Variants in SCFD2 observed in about 807,000 individuals in gnomAD.
SCFD2 encodes sec1 family domain containing 2.
SCFD2 carries 54 observed loss-of-function variants against 58.9 expected under a neutral mutation model. The observed-to-expected ratio is 0.92, with a 90% CI of 0.74 to 1.15. SCFD2 has a LOEUF of 1.15. Ranked by LOEUF, SCFD2 falls within the 50% of genes most tolerant of loss-of-function variation. The pLI, the probability that SCFD2 is intolerant of heterozygous loss-of-function variation, is 0.00. For missense variants in SCFD2, 805 were observed against 836.6 expected (o/e 0.96, Z 0.47); for synonymous variants, 321 against 335.9 (o/e 0.96, Z 0.49).
intron 3 of SCFD2, among the ~76,000 whole-genome samples, chr4:53,293,877 C>A (rs1731929595): frequency 6.6e-6 from 1 of 151,824 alleles, no homozygotes; most frequent in African/African-American, 2.4e-5. Flanking sequence ...CTATCCCTCC[C>A]CCAGCCTCCC....
At chr4:52,967,924 C>T (rs186475730) in intron 5 of SCFD2, among the ~76,000 whole-genome samples, 9 of 152,268 alleles carry the variant, frequency 5.9e-5, no homozygotes, top group South Asian at 4.2e-4. Context: ...TAACTTCAGC[C>T]GGGGTCCTCT....
At chr4:53,028,958 G>T (rs114880911) in intron 5 of SCFD2, among the ~76,000 whole-genome samples, 1,738 of 152,302 alleles carry the variant, frequency 0.011, 17 homozygotes, top group Middle Eastern at 0.034. Flanking sequence ...ATTGACAAAC[G>T]CATGTTACAC....
intron 5 of SCFD2, among the ~76,000 whole-genome samples, chr4:53,041,754 T>C (rs1722906177): frequency 6.6e-6 from 1 of 152,182 alleles, no homozygotes; most frequent in African/African-American, 2.4e-5. Flanking sequence ...AAACCATGCT[T>C]CACTATTTCA....
At chr4:52,893,244 C>T (rs906759384) in intron 7 of SCFD2, among the ~76,000 whole-genome samples, 1 of 151,938 alleles carries the variant, frequency 6.6e-6, no homozygotes, top group African/African-American at 2.4e-5. Context: ...TTCTCTCTCT[C>T]TCTCTCTTTC....
intron 8 of SCFD2, among the ~76,000 whole-genome samples, chr4:52,882,462 T>C (rs1044607987): frequency 6.6e-6 from 1 of 152,176 alleles, no homozygotes; most frequent in African/African-American, 2.4e-5. Flanking sequence ...TGCAAAGTAT[T>C]GTTCCTGGGT....
At chr4:53,300,784 T>G (rs566042548) in intron 3 of SCFD2, among the ~76,000 whole-genome samples, 104 of 152,178 alleles carry the variant, frequency 6.8e-4, no homozygotes, top group East Asian at 1.2e-3. Flanking sequence ...TAGAACTCAG[T>G]ATTAAGAAAC....
At chr4:53,332,526 T>G (rs891664898) in intron 2 of SCFD2, among the ~76,000 whole-genome samples, 154 of 152,184 alleles carry the variant, frequency 1.0e-3, no homozygotes, top group African/African-American at 1.4e-3. Flanking sequence ...ATGCAGAAAA[T>G]GCCTTTGACA....
chr4:52,932,420 T>C (rs1212872261), intron 5 of SCFD2, among the ~76,000 whole-genome samples: 1 of 152,260 alleles, frequency 6.6e-6, no homozygotes, highest in Non-Finnish European at 1.5e-5. Context: ...TCCCCACCTC[T>C]TGTTCTCACT....
chr4:52,956,211 C>G (rs1720708819), intron 5 of SCFD2: 1 of 456,714 alleles, frequency 2.2e-6, no homozygotes, highest in East Asian at 6.9e-5. Flanking sequence ...AGCCATCTCC[C>G]CTACATCCTA....
At chr4:53,215,741 C>T (rs542957276) in intron 4 of SCFD2, among the ~76,000 whole-genome samples, 27 of 152,212 alleles carry the variant, frequency 1.8e-4, no homozygotes, top group Middle Eastern at 6.8e-3. Flanking sequence ...AAAGGGAATG[C>T]TTCCAGTTTT....
chr4:53,214,182 G>A (rs1327476028), intron 4 of SCFD2, among the ~76,000 whole-genome samples: 2 of 152,092 alleles, frequency 1.3e-5, no homozygotes, highest in Non-Finnish European at 2.9e-5. Context: ...GTAATGGGAT[G>A]GCTAGGTCAA....
intron 5 of SCFD2, among the ~76,000 whole-genome samples, chr4:52,930,464 A>T (rs1440444926): frequency 6.6e-6 from 1 of 152,188 alleles, no homozygotes; most frequent in African/African-American, 2.4e-5. Flanking sequence ...AGATTTCATG[A>T]CAAAAATATC....
At chr4:52,894,477 CA>C (rs1210698823) in intron 7 of SCFD2, among the ~76,000 whole-genome samples, 1 of 152,198 alleles carries the variant, frequency 6.6e-6, no homozygotes, top group African/African-American at 2.4e-5. Context: ...GCCTATTAGA[CA>C]TGCTAGTTTT....
intron 5 of SCFD2, among the ~76,000 whole-genome samples, chr4:52,930,757 T>C (rs758974175): frequency 5.9e-5 from 9 of 152,130 alleles, no homozygotes; most frequent in Non-Finnish European, 1.3e-4. Flanking sequence ...TACAATTTCA[T>C]ATATTGGTCA....
At chr4:53,238,063 C>T (rs1439669201) in intron 4 of SCFD2, among the ~76,000 whole-genome samples, 13 of 132,888 alleles carry the variant, frequency 9.8e-5, no homozygotes, top group Admixed American at 1.4e-4. Context: ...CTGACCCCCC[C>T]ACCTCCCTCC....
intron 3 of SCFD2, among the ~76,000 whole-genome samples, chr4:53,309,783 A>G (rs1367015782): frequency 2.6e-5 from 4 of 152,180 alleles, no homozygotes; most frequent in Non-Finnish European, 4.4e-5. Context: ...CTCATCAAAT[A>G]ACCTTATAAT....
intron 3 of SCFD2, among the ~76,000 whole-genome samples, chr4:53,291,099 G>A (rs1184057973): frequency 6.6e-6 from 1 of 152,016 alleles, no homozygotes; most frequent in Non-Finnish European, 1.5e-5. Context: ...TATTTTATAA[G>A]GCCAGTATCT....
At chr4:53,145,184 T>C (rs1322266930) in intron 5 of SCFD2, 149 bp downstream of exon 5, 2 of 939,870 alleles carry the variant, frequency 2.1e-6, no homozygotes, top group African/African-American at 3.3e-5. Context: ...GGACTGTTGC[T>C]ATAGGCTGGC....
At chr4:53,155,613 T>C (rs1726656093) in intron 4 of SCFD2, among the ~76,000 whole-genome samples, 2 of 152,232 alleles carry the variant, frequency 1.3e-5, no homozygotes, top group African/African-American at 4.8e-5. Context: ...AATTCAGCTG[T>C]ATCCATTCCA....
Sources: gnomAD v4.1 joint callset for allele counts (sites outside exome capture counted in the v4.1 genomes callset) on GRCh38, gnomAD v4.1.1 for gene constraint, MANE v1.5 for transcripts, NCBI Gene and HGNC (gene_info 2026-07-23, HGNC 2026-07-21) for gene names.